The following INSR variants were observed in gnomAD, a reference collection of about 807,000 sequenced individuals.
INSR encodes insulin receptor, also known as IR.
In INSR, 67 loss-of-function variants were observed where a neutral mutation model predicts 142.6. The observed-to-expected ratio is 0.47, with a 90% confidence interval of 0.39 to 0.58. The LOEUF (loss-of-function observed/expected upper bound fraction) is 0.58, where lower values mean the gene tolerates loss of function less well. Ranked by LOEUF, INSR falls within the 20% of genes least tolerant of loss-of-function variation. The probability of loss-of-function intolerance (pLI) is 0.00; values close to 1 mark genes in which losing one functional copy is unlikely to be tolerated. For synonymous variants in INSR, 756 were observed against 743.1 expected (o/e 1.02, Z -0.28); for missense variants, 1,248 against 1,833.2 (o/e 0.68, Z 5.83).
In INSR at chr19:7,244,393, C is replaced by T. The variant is rs537221329; in HGVS notation, c.652+22952G>A. Among the ~76,000 whole-genome samples the T allele has an allele frequency of 2.0e-5, 3 of 152,022 alleles. No homozygotes were observed. The East Asian group carries it at 5.8e-4, about 29-fold the overall frequency. On this transcript the variant is annotated intron_variant, in intron 2 of 21. Coordinates refer to ENST00000302850, the MANE Select transcript of INSR (RefSeq NM_000208.4). ...ACTAAAAATACAAAAATTAGCCGGG[C>T]ATGGTGGTGTGTGCCTATAATCCCA...
chr19:7,124,877 A>G (rs954716433), intron 17 of INSR, among the ~76,000 whole-genome samples: 2 of 151,310 alleles, frequency 1.3e-5, no homozygotes, highest in Non-Finnish European at 2.9e-5. Context: ...TATCAGGTGG[A>G]CCTCTATGTG....
intron 2 of INSR, among the ~76,000 whole-genome samples, chr19:7,243,707 A>T (rs1013018809): frequency 1.3e-5 from 2 of 152,188 alleles, no homozygotes; most frequent in Non-Finnish European, 2.9e-5. Flanking sequence ...AACCAACCAA[A>T]AACATAGCCC....
intron 1 of INSR, among the ~76,000 whole-genome samples, chr19:7,276,196 A>T (rs540631970): frequency 6.6e-6 from 1 of 151,738 alleles, no homozygotes; most frequent in South Asian, 2.1e-4. Flanking sequence ...CCCAGGCTGG[A>T]GTGCAGTGGT....
In INSR at chr19:7,192,162, AAAAG is replaced by A. The variant is rs1017924009; in HGVS notation, c.653-7529_653-7526del. 1.5e-5 allele frequency among the ~76,000 whole-genome samples: 2 copies of A among 131,340 alleles called. No homozygotes were observed. Among genetic ancestry groups the A allele is most frequent in the East Asian group, 2.0e-4 (1 of 5,022 alleles). The allele number at this position is 131,340 out of a possible 152,430, so 86.2% of individuals were successfully genotyped here. A position where few individuals can be genotyped will look rare whatever the true frequency, so the allele number is the denominator to read the frequency against. On this transcript the variant is annotated intron_variant, in intron 2 of 21. Coordinates refer to ENST00000302850, the MANE Select transcript of INSR (RefSeq NM_000208.4). This position sits in a 1 kb window ranked among gnomAD's most constrained non-coding sequence, Gnocchi z 4.2. Reference sequence around the variant, plus strand: ...GATAAGAGAGAGAGAAAGAGAAAGAAAAAGAAAGACAGAGAAAGAAAAGAAAAAA... The same window carrying A: ...GATAAGAGAGAGAGAAAGAGAAAGAAAAAGACAGAGAAAGAAAAGAAAAAA...
chr19:7,252,269 A>T (rs1976750847), intron 2 of INSR, among the ~76,000 whole-genome samples: 1 of 152,098 alleles, frequency 6.6e-6, no homozygotes, highest in African/African-American at 2.4e-5. Context: ...AAAAGTAGCC[A>T]GGCGTGGTGG....
At chr19:7,236,094 T>C (rs1436837823) in intron 2 of INSR, among the ~76,000 whole-genome samples, 1 of 151,608 alleles carries the variant, frequency 6.6e-6, no homozygotes, top group Non-Finnish European at 1.5e-5. Flanking sequence ...CCACCATAGC[T>C]TGGATTATAG....
intron 11 of INSR, among the ~76,000 whole-genome samples, chr19:7,149,101 G>T (rs954426552): frequency 1.4e-4 from 22 of 152,056 alleles, no homozygotes; most frequent in Middle Eastern, 3.4e-3. Flanking sequence ...TAGTGACGGG[G>T]TTTCACCGTG....
intron 9 of INSR, among the ~76,000 whole-genome samples, chr19:7,160,223 C>T (rs1171043327): frequency 2.0e-5 from 3 of 151,988 alleles, no homozygotes; most frequent in South Asian, 2.1e-4. Flanking sequence ...GGTGCAAGCT[C>T]GGCTCATTGC....
chr19:7,234,744 G>C (rs1976104469), intron 2 of INSR, among the ~76,000 whole-genome samples: 1 of 152,196 alleles, frequency 6.6e-6, no homozygotes, highest in Admixed American at 6.6e-5. Flanking sequence ...GAAAACAAGG[G>C]TTTTTCAAAA....
At position 7,168,987 on chromosome 19, in the gene INSR, CA is replaced by C. The variant is rs1973951363; in HGVS notation, c.1484-894del. On this transcript the variant is annotated intron_variant, in intron 6 of 21. Transcript: ENST00000302850. This position sits in a 1 kb window ranked among gnomAD's most constrained non-coding sequence, Gnocchi z 4.3. ...TGGCAGCTCACTGTTTAGAATCTGT[CA>C]GGGAAGTGCAGTCAGCAGGCAGCCT... 6.6e-6 allele frequency among the ~76,000 whole-genome samples: 1 copy of C among 152,238 alleles called. No homozygotes were observed.
chr19:7,247,985 T>C (rs1976586391), intron 2 of INSR, among the ~76,000 whole-genome samples: 2 of 152,092 alleles, frequency 1.3e-5, no homozygotes, highest in African/African-American at 2.4e-5. Flanking sequence ...TTTCACTAAG[T>C]TGGTTCTATA....
chr19:7,219,529 G>A (rs1975542697), intron 2 of INSR, among the ~76,000 whole-genome samples: 1 of 111,110 alleles, frequency 9.0e-6, no homozygotes, highest in South Asian at 3.7e-4. Context: ...AAGAAGGAAG[G>A]AAGGAAGGGA....
intron 11 of INSR, among the ~76,000 whole-genome samples, chr19:7,145,680 T>C (rs145269146): frequency 6.6e-6 from 1 of 152,358 alleles, no homozygotes; most frequent in African/African-American, 2.4e-5. Context: ...CAATAAGAGT[T>C]CATTTACAAA....
At chr19:7,186,340 A>G (rs533892790) in intron 2 of INSR, among the ~76,000 whole-genome samples, 1 of 152,308 alleles carries the variant, frequency 6.6e-6, no homozygotes, top group African/African-American at 2.4e-5. Context: ...CTACATCCAT[A>G]TATGAACAGC....
intron 17 of INSR, chr19:7,123,304 G>A (rs963245123): frequency 1.1e-5 from 4 of 351,298 alleles, no homozygotes; most frequent in Admixed American, 4.0e-5. Context: ...GAGTAGCTGG[G>A]GTTACAGGTG....
chr19:7,274,773 C>G (rs565040548), intron 1 of INSR, among the ~76,000 whole-genome samples: 14 of 149,632 alleles, frequency 9.4e-5, no homozygotes, highest in Middle Eastern at 3.4e-3. Flanking sequence ...CCACTGCACT[C>G]CAGCCTGGGC....
Position 7,117,320 on chromosome 19 carries a change from G to A in INSR, c.3885C>T (p.His1295=), listed in dbSNP as rs751082309. The A allele has an allele frequency of 1.2e-6, 2 of 1,614,188 alleles. No homozygotes were observed. Among genetic ancestry groups the A allele is most frequent in the East Asian group, 2.2e-5 (1 of 44,868 alleles). The part of the protein sequence containing the change: ...EIVNLLKDDL[H]PSFPEVSFFH... ...AGAACGACACCTCTGGAAAGCTGGG[G>A]TGCAGGTCGTCCTTGAGCAGGTTGA... The change falls in exon 22 of 22, where the codon CAC becomes CAT. Residue 1295 remains histidine, a synonymous_variant. Coordinates refer to ENST00000302850, the MANE Select transcript of INSR (RefSeq NM_000208.4).
chr19:7,185,751 G>A (rs1974409428), intron 2 of INSR, among the ~76,000 whole-genome samples: 1 of 143,286 alleles, frequency 7.0e-6, no homozygotes, highest in South Asian at 2.2e-4. Flanking sequence ...GCTGAGGCAC[G>A]AGAATCACTT....
intron 17 of INSR, among the ~76,000 whole-genome samples, chr19:7,123,698 G>A (rs566545634): frequency 6.6e-6 from 1 of 152,022 alleles, no homozygotes; most frequent in South Asian, 2.1e-4. Flanking sequence ...TGAGGCCGGT[G>A]GATCACCTGA....
Sources: allele counts gnomAD v4.1 joint callset (sites outside exome capture counted in the v4.1 genomes callset), GRCh38; gene constraint gnomAD v4.1.1; non-coding constraint Gnocchi (gnomAD v3.1); transcripts MANE v1.5; gene names NCBI Gene and HGNC (gene_info 2026-07-23, HGNC 2026-07-21).